CWC22: variants seen among roughly 807,000 people sequenced by gnomAD.
The protein encoded by CWC22 is CWC22 spliceosome associated protein.
In CWC22, 53 loss-of-function variants were observed where a neutral mutation model predicts 117.2. The observed-to-expected ratio is 0.45, with a 90% CI of 0.36 to 0.57. CWC22 has a LOEUF of 0.57. Among genes scored for constraint, CWC22 ranks in the 20% least tolerant of loss-of-function variants. The probability of loss-of-function intolerance (pLI) is 0.00; values close to 1 mark genes in which losing one functional copy is unlikely to be tolerated. For synonymous variants in CWC22, 360 were observed against 355.6 expected, an observed-to-expected ratio of 1.01 and a Z score of -0.14; for missense variants, 980 against 1,068.8, an observed-to-expected ratio of 0.92 and a Z score of 1.16.
chr2:179,946,466 G>GGC (rs1686303759), intron 19 of CWC22, among the ~76,000 whole-genome samples: 1 of 100,262 alleles, frequency 1.0e-5, no homozygotes, highest in Non-Finnish European at 1.9e-5. Context: ...AAAAAAAAAG[G>GGC]GGGGGGGGGA....
chr2:179,991,918 C>A (rs1055213220), intron 2 of CWC22, among the ~76,000 whole-genome samples: 1 of 152,180 alleles, frequency 6.6e-6, no homozygotes, highest in Non-Finnish European at 1.5e-5. Flanking sequence ...CAAGCAAAGG[C>A]TGGATGTCTA....
intron 7 of CWC22, 105 bp from the exon 8 acceptor site, chr2:179,973,351 CAAGTAT>C (rs1161873499): frequency 9.2e-6 from 7 of 763,058 alleles, no homozygotes; most frequent in African/African-American, 1.8e-5. Context: ...ATGTACCACA[CAAGTAT>C]AATTTTTACA....
At chr2:179,973,612 C>T in intron 7 of CWC22, 22 bp downstream of exon 7, 2 of 1,475,056 alleles carry the variant, frequency 1.4e-6, no homozygotes, top group Non-Finnish European at 1.8e-6. Context: ...TATCATTCTA[C>T]TTACAAGCCA....
chr2:180,004,380 CTTT>C (rs1687919001), intron 1 of CWC22, among the ~76,000 whole-genome samples: 1 of 152,062 alleles, frequency 6.6e-6, no homozygotes, highest in African/African-American at 2.4e-5. Context: ...GAGTTAACTT[CTTT>C]TTTTCTTCTT....
At chr2:179,957,735 ACATTTAAAG>A in intron 14 of CWC22, among the ~76,000 whole-genome samples, 1 of 152,182 alleles carries the variant, frequency 6.6e-6, no homozygotes, top group East Asian at 1.9e-4. Flanking sequence ...CCGGTTTACC[ACATTTAAAG>A]CAACGTGAGA....
intron 12 of CWC22, 132 bp downstream of exon 12, chr2:179,965,746 T>C: frequency 1.4e-6 from 1 of 709,732 alleles, no homozygotes; most frequent in Non-Finnish European, 2.2e-6. Context: ...GCAGCCCTAG[T>C]CTTCACCTCC....
chr2:179,962,098 G>A (rs929830294), intron 13 of CWC22, among the ~76,000 whole-genome samples: 4 of 152,000 alleles, frequency 2.6e-5, no homozygotes, highest in African/African-American at 9.7e-5. Flanking sequence ...CTGGAATATC[G>A]TTTAAAAGCA....
intron 2 of CWC22, among the ~76,000 whole-genome samples, chr2:179,990,713 A>C (rs1687543631): frequency 6.6e-6 from 1 of 152,234 alleles, no homozygotes; most frequent in African/African-American, 2.4e-5. Context: ...ATTCTGTACT[A>C]ATGATTTTTA....
chr2:179,976,901 T>C (rs1258522259), intron 6 of CWC22, among the ~76,000 whole-genome samples: 2 of 152,164 alleles, frequency 1.3e-5, no homozygotes, highest in Non-Finnish European at 2.9e-5. Flanking sequence ...ACGCCTGTCA[T>C]ACCAACACTT....
At chr2:179,955,927 G>T (rs1022764814) in intron 14 of CWC22, among the ~76,000 whole-genome samples, 1 of 151,928 alleles carries the variant, frequency 6.6e-6, no homozygotes, top group Non-Finnish European at 1.5e-5. Context: ...ATTCATCTAC[G>T]ATCAGTGTAA....
intron 14 of CWC22, among the ~76,000 whole-genome samples, chr2:179,958,595 T>C (rs1196285971): frequency 1.3e-5 from 2 of 152,030 alleles, no homozygotes; most frequent in East Asian, 3.9e-4. Context: ...CTATTTTTAG[T>C]GTATTTTATG....
intron 13 of CWC22, among the ~76,000 whole-genome samples, chr2:179,963,083 T>G (rs1686795150): frequency 6.6e-6 from 1 of 152,060 alleles, no homozygotes; most frequent in Non-Finnish European, 1.5e-5. Context: ...TGCTTTAATT[T>G]TTCAAGTCCT....
intron 1 of CWC22, among the ~76,000 whole-genome samples, chr2:180,000,189 C>T (rs1348088817): frequency 3.3e-5 from 5 of 151,874 alleles, no homozygotes; most frequent in African/African-American, 1.2e-4. Context: ...CTCATAAGGC[C>T]AAAAAATTAT....
chr2:179,979,711 G>A (rs1249258618), intron 5 of CWC22, among the ~76,000 whole-genome samples: 4 of 152,136 alleles, frequency 2.6e-5, no homozygotes, highest in African/African-American at 7.2e-5. Flanking sequence ...CTTACTGCCT[G>A]TACCCAAGGT....
At chr2:179,955,158 T>C (rs1282705878) in intron 14 of CWC22, 124 bp from the exon 15 acceptor site, 1 of 693,210 alleles carries the variant, frequency 1.4e-6, no homozygotes, top group Non-Finnish European at 2.4e-6. Flanking sequence ...TCAAAAATTT[T>C]GTAAATAAAA....
chr2:179,964,972 G>A (rs1050716571), intron 12 of CWC22, among the ~76,000 whole-genome samples: 3 of 151,972 alleles, frequency 2.0e-5, no homozygotes, highest in African/African-American at 7.2e-5. Context: ...TAATTTAGAC[G>A]CACTGTATAA....
At chr2:179,975,394 T>C (rs935590730) in intron 6 of CWC22, among the ~76,000 whole-genome samples, 1 of 152,178 alleles carries the variant, frequency 6.6e-6, no homozygotes, top group Admixed American at 6.5e-5. Flanking sequence ...AAAGGGTGCC[T>C]ACTCTTTCCA....
At chr2:179,962,679 G>A (rs924552874) in intron 13 of CWC22, among the ~76,000 whole-genome samples, 3 of 151,606 alleles carry the variant, frequency 2.0e-5, no homozygotes, top group Non-Finnish European at 4.4e-5. Context: ...ATATAATTAT[G>A]TGTCCATATT....
At chr2:179,961,911 AG>A (rs1200971855) in intron 13 of CWC22, among the ~76,000 whole-genome samples, 2 of 152,036 alleles carry the variant, frequency 1.3e-5, no homozygotes, top group African/African-American at 4.8e-5. Context: ...AATTGAGGAG[AG>A]GGTAAAGAAA....
Sources: gnomAD v4.1 joint callset for allele counts (sites outside exome capture counted in the v4.1 genomes callset) on GRCh38, gnomAD v4.1.1 for gene constraint, MANE v1.5 for transcripts, NCBI Gene and HGNC (gene_info 2026-07-23, HGNC 2026-07-21) for gene names.